Variants in WDR59 observed in about 807,000 individuals in gnomAD.
The protein encoded by WDR59 is WD repeat domain 59.
A neutral mutation model predicts 131.2 loss-of-function variants in WDR59; 100 were observed. That is an observed-to-expected ratio of 0.76 (90% CI 0.65 to 0.90). The LOEUF (loss-of-function observed/expected upper bound fraction) is 0.90, where lower values mean the gene tolerates loss of function less well. Ranked by LOEUF, WDR59 falls within the 40% of genes least tolerant of loss-of-function variation. The pLI is 0.00. For synonymous variants in WDR59, 601 were observed against 466.2 expected, an observed-to-expected ratio of 1.29 and a Z score of -3.72; for missense variants, 1,203 against 1,262.2, an observed-to-expected ratio of 0.95 and a Z score of 0.71.
chr16:74,902,160 T>C (rs1965582976), intron 18 of WDR59, among the ~76,000 whole-genome samples: 1 of 152,204 alleles, frequency 6.6e-6, no homozygotes, highest in Non-Finnish European at 1.5e-5. Flanking sequence ...TTTTGTGTAT[T>C]TGGTATATAT....
At chr16:74,897,954 C>T (rs1965372438) in intron 18 of WDR59, among the ~76,000 whole-genome samples, 1 of 152,146 alleles carries the variant, frequency 6.6e-6, no homozygotes, top group South Asian at 2.1e-4. Flanking sequence ...GAGGTGAAAT[C>T]TCAAATCAGG....
intron 25 of WDR59, among the ~76,000 whole-genome samples, chr16:74,876,335 TC>T (rs1166964631): frequency 2.6e-5 from 4 of 152,238 alleles, no homozygotes; most frequent in African/African-American, 9.6e-5. Flanking sequence ...GGTTATGTTC[TC>T]ATGAAAAGCC....
Position 74,888,112 on chromosome 16 carries a change from C to T in WDR59, c.2346+57G>A, listed in dbSNP as rs544727836. 2.2e-4 allele frequency: 315 copies of T among 1,449,342 alleles called. 1 individual carries two copies. The South Asian group carries it at 3.4e-3, about 16-fold the overall frequency. The allele number at this position is 1,449,342 out of a possible 1,614,324, so 89.8% of individuals were successfully genotyped here. A position where few individuals can be genotyped will look rare whatever the true frequency, so the allele number is the denominator to read the frequency against. On this transcript the variant is annotated intron_variant, in intron 22 of 25. Coordinates refer to ENST00000262144, the MANE Select transcript of WDR59 (RefSeq NM_030581.4). The stretch of plus-strand genomic sequence containing the variant: ...CAGCCTGGGCAACAAAGTAAAACTC[C>T]GTCTCAAAAAAAAAAAAAAAAAAAA...
At chr16:74,957,012 T>C (rs374099508) in intron 2 of WDR59, among the ~76,000 whole-genome samples, 49 of 152,326 alleles carry the variant, frequency 3.2e-4, no homozygotes, top group African/African-American at 1.2e-3. Context: ...GGACTAATAA[T>C]TTAAGGCTCT....
chr16:74,937,439 A>C (rs940708875), intron 8 of WDR59, among the ~76,000 whole-genome samples: 13 of 152,182 alleles, frequency 8.5e-5, no homozygotes, highest in Admixed American at 5.2e-4. Context: ...ACAACTGTAG[A>C]CTTTTCTCCT....
intron 3 of WDR59, among the ~76,000 whole-genome samples, chr16:74,955,341 A>C (rs2033232939): frequency 6.6e-6 from 1 of 152,158 alleles, no homozygotes; most frequent in Non-Finnish European, 1.5e-5. Flanking sequence ...AACTTCCTGC[A>C]ACGCACAGGA....
At chr16:74,910,026 G>A (rs1399931962) in intron 14 of WDR59, 109 bp from the exon 15 acceptor site, 3 of 932,746 alleles carry the variant, frequency 3.2e-6, no homozygotes, top group Non-Finnish European at 4.7e-6. Context: ...GGAGTGTAGT[G>A]GTACGATCTC....
chr16:74,975,409 T>C (rs545549872), intron 1 of WDR59, among the ~76,000 whole-genome samples: 1 of 151,574 alleles, frequency 6.6e-6, no homozygotes, highest in African/African-American at 2.4e-5. Context: ...ATGCCTGTAA[T>C]TCCAGCACTT....
intron 3 of WDR59, 40 bp from the exon 4 acceptor site, chr16:74,951,583 G>C (rs1339164283): frequency 6.5e-7 from 1 of 1,532,266 alleles, no homozygotes; most frequent in African/African-American, 1.4e-5. Flanking sequence ...AAGTATGTTG[G>C]GATATATGGT....
chr16:74,931,977 A>G (rs1288179256), intron 8 of WDR59, among the ~76,000 whole-genome samples: 2 of 151,294 alleles, frequency 1.3e-5, no homozygotes, highest in African/African-American at 4.8e-5. Flanking sequence ...CTGTGTTATA[A>G]TATCAACTTA....
rs188862557 is a variant in WDR59, at chr16:74,921,701, A to G, written c.886+246T>C. Reference sequence around the variant, plus strand: ...TCTATCTTCCGTCTCTTACTGGAGCATATCTCTTCCAAGCAAGAGAGACTA... The same window carrying G: ...TCTATCTTCCGTCTCTTACTGGAGCGTATCTCTTCCAAGCAAGAGAGACTA... On this transcript the variant is annotated intron_variant, in intron 10 of 25. Transcript: ENST00000262144. 2.5e-4 allele frequency among the ~76,000 whole-genome samples: 38 copies of G among 152,328 alleles called. 1 individual carries two copies. The highest frequency in any genetic ancestry group is 8.7e-4 in the African/African-American group (36 of 41,572).
At chr16:74,926,942 G>GTGT (rs1433593610) in intron 8 of WDR59, among the ~76,000 whole-genome samples, 5 of 152,168 alleles carry the variant, frequency 3.3e-5, no homozygotes, top group Non-Finnish European at 7.3e-5. Flanking sequence ...CAACAATGAG[G>GTGT]TGTTAATAAA....
At chr16:74,913,098 T>C (rs1453550717) in intron 13 of WDR59, among the ~76,000 whole-genome samples, 1 of 150,826 alleles carries the variant, frequency 6.6e-6, no homozygotes, top group Admixed American at 6.6e-5. Flanking sequence ...GTTCCCAACA[T>C]GTCCCCCTTC....
At chr16:74,932,670 G>A (rs2031491855) in intron 8 of WDR59, among the ~76,000 whole-genome samples, 1 of 151,720 alleles carries the variant, frequency 6.6e-6, no homozygotes, top group African/African-American at 2.4e-5. Context: ...TTTATTTTTT[G>A]TAGAGATGGG....
chr16:74,888,160 C>T lies in WDR59; in HGVS notation c.2346+9G>A. ...AAAATCAGACAAAACCAGAAAAGGA[C>T]AAACTTACATATCGACTATGGGACA... On this transcript the variant is annotated intron_variant, in intron 22 of 25. Coordinates refer to ENST00000262144, the MANE Select transcript of WDR59 (RefSeq NM_030581.4). 1 of 1,548,572 alleles carries T rather than the reference C, an allele frequency of 6.5e-7. No homozygotes were observed. The highest frequency in any genetic ancestry group is 8.7e-7 in the Non-Finnish European group (1 of 1,153,958).
intron 25 of WDR59, among the ~76,000 whole-genome samples, chr16:74,882,189 T>C (rs112023710): frequency 0.015 from 2,295 of 152,346 alleles, 42 homozygotes; most frequent in African/African-American, 0.05. Flanking sequence ...GATGGTTTGA[T>C]ACATGAGCTC....
chr16:74,981,434 T>C (rs1168324638), intron 1 of WDR59, among the ~76,000 whole-genome samples: 4 of 149,016 alleles, frequency 2.7e-5, no homozygotes, highest in Non-Finnish European at 5.9e-5. Context: ...GGTGTGCACC[T>C]GTATTCACAG....
At chr16:74,927,683 AACACAC>A (rs61511176) in intron 8 of WDR59, among the ~76,000 whole-genome samples, 3 of 118,180 alleles carry the variant, frequency 2.5e-5, no homozygotes, top group African/African-American at 6.3e-5. Flanking sequence ...CTCTTTAAAA[AACACAC>A]ACACACACAC....
At chr16:74,895,710 C>T (rs1274393579) in intron 18 of WDR59, among the ~76,000 whole-genome samples, 1 of 152,208 alleles carries the variant, frequency 6.6e-6, no homozygotes, top group Admixed American at 6.5e-5. Context: ...AAATTATGTG[C>T]ATACACACAA....
Sources: gnomAD v4.1 joint callset for allele counts (sites outside exome capture counted in the v4.1 genomes callset) on GRCh38, gnomAD v4.1.1 for gene constraint, MANE v1.5 for transcripts, NCBI Gene and HGNC (gene_info 2026-07-23, HGNC 2026-07-21) for gene names.